Variants in ABCC1 observed in about 807,000 individuals in gnomAD.
ABCC1 encodes the protein multidrug resistance-associated protein 1.
ABCC1 carries 83 observed loss-of-function variants against 172.9 expected under a neutral mutation model. The ratio of observed to expected loss-of-function variants is 0.48; its 90% CI spans 0.40 to 0.58. The LOEUF (loss-of-function observed/expected upper bound fraction) is 0.58, where lower values mean the gene tolerates loss of function less well. ABCC1 is among the 20% of genes least tolerant of loss of function. The pLI is 0.00. For synonymous variants in ABCC1, 937 were observed against 825.2 expected (o/e 1.14, Z -2.32); for missense variants, 1,817 against 2,002.7 (o/e 0.91, Z 1.77).
chr16:16,019,007 A>G (rs2048105221), intron 5 of ABCC1, among the ~76,000 whole-genome samples: 1 of 151,822 alleles, frequency 6.6e-6, no homozygotes, highest in African/African-American at 2.4e-5. Context: ...TGTTATATGT[A>G]TTGTGTATCA....
At chr16:15,970,791 C>T (rs541961912) in intron 1 of ABCC1, among the ~76,000 whole-genome samples, 2 of 152,274 alleles carry the variant, frequency 1.3e-5, no homozygotes, top group South Asian at 2.1e-4. Context: ...GATGAGGTCT[C>T]CCTGTGTTGT....
chr16:16,046,056 T>A, intron 9 of ABCC1, 43 bp downstream of exon 9: 1 of 1,599,320 alleles, frequency 6.3e-7, no homozygotes, highest in Non-Finnish European at 8.5e-7. Flanking sequence ...GACTTCCACA[T>A]CCCCTCCTGC....
intron 1 of ABCC1, among the ~76,000 whole-genome samples, chr16:15,965,543 C>T (rs768848501): frequency 1.2e-4 from 19 of 152,052 alleles, no homozygotes; most frequent in South Asian, 6.2e-4. Flanking sequence ...CTGCCCACTT[C>T]GGCCTCCCAA....
At position 16,019,985 on chromosome 16, in the gene ABCC1, A is replaced by G. The variant is rs191146751; in HGVS notation, c.615+3364A>G. On this transcript the variant is annotated intron_variant, in intron 5 of 30. Transcript: ENST00000399410. ...GTCGCCAAGGCTGTAGTGCAGTGGCATGATCTTGGCTCTGCAGCCTCTGCC... is the reference window on the plus strand; with the variant it reads ...GTCGCCAAGGCTGTAGTGCAGTGGCGTGATCTTGGCTCTGCAGCCTCTGCC... Among the ~76,000 whole-genome samples, 355 of 152,262 alleles carry G rather than the reference A, an allele frequency of 2.3e-3. 1 individual carries two copies. The highest frequency in any genetic ancestry group is 6.4e-3 in the African/African-American group (267 of 41,546).
At chr16:16,034,579 A>G (rs2048680241) in intron 6 of ABCC1, among the ~76,000 whole-genome samples, 1 of 131,366 alleles carries the variant, frequency 7.6e-6, no homozygotes. Context: ...CTGTATGTTA[A>G]CTTTTTTTTT....
chr16:16,044,192 T>C (rs577043225), intron 7 of ABCC1, among the ~76,000 whole-genome samples: 2 of 152,258 alleles, frequency 1.3e-5, no homozygotes, highest in African/African-American at 4.8e-5. Context: ...AGGAGGAAAC[T>C]GAGGCCCAGA....
intron 11 of ABCC1, among the ~76,000 whole-genome samples, 156 bp downstream of exon 11, chr16:16,052,972 C>T (rs1033349137): frequency 1.3e-5 from 2 of 152,162 alleles, no homozygotes; most frequent in African/African-American, 2.4e-5. Context: ...GCTGATGCCC[C>T]GGCTGCATAT....
chr16:16,110,398 T>A (rs1250336766), intron 21 of ABCC1, among the ~76,000 whole-genome samples: 1 of 151,990 alleles, frequency 6.6e-6, no homozygotes, highest in Non-Finnish European at 1.5e-5. Context: ...CTTTATTTTT[T>A]TTTATTTTTT....
chr16:15,990,015 T>C (rs1030101906), intron 1 of ABCC1, among the ~76,000 whole-genome samples: 6 of 152,098 alleles, frequency 3.9e-5, no homozygotes, highest in African/African-American at 1.4e-4. Context: ...TAGGTGGGAT[T>C]ACAGGTGTGA....
intron 1 of ABCC1, among the ~76,000 whole-genome samples, chr16:15,958,399 C>A (rs151005473): frequency 5.9e-5 from 9 of 152,242 alleles, no homozygotes; most frequent in Middle Eastern, 3.4e-3. Flanking sequence ...CATGAGCCAC[C>A]GTGCCTGGCC....
chr16:16,094,477 T>G (rs1296170226), intron 19 of ABCC1: 2 of 167,310 alleles, frequency 1.2e-5, no homozygotes, highest in South Asian at 1.5e-4. Context: ...TGTACGTGCA[T>G]ACCTTTGATG....
chr16:16,066,999 C>T (rs2050137264), intron 12 of ABCC1, among the ~76,000 whole-genome samples: 2 of 152,072 alleles, frequency 1.3e-5, no homozygotes, highest in Admixed American at 1.3e-4. Flanking sequence ...GTCTGTAATC[C>T]CAGCACTTTA....
At chr16:16,133,810 A>G (rs2045804553) in intron 27 of ABCC1, among the ~76,000 whole-genome samples, 1 of 152,194 alleles carries the variant, frequency 6.6e-6, no homozygotes, top group Non-Finnish European at 1.5e-5. Context: ...CTCAAGAGCC[A>G]GGCAGGAAGG....
Position 16,122,073 on chromosome 16 carries a change from C to T in ABCC1, c.3489C>T (p.Ser1163=), listed in dbSNP as rs765229446. Residue 1163 remains serine, a synonymous_variant, in exon 24 of 31, where the codon AGC becomes AGT. Transcript: ENST00000399410. The part of the protein sequence containing the change: ...SHFNETLLGV[S]VIRAFEEQER... ...TCAACGAGACCTTGCTGGGGGTCAG[C>T]GTCATTCGAGCCTTCGAGGAGCAGG... The T allele has an allele frequency of 5.0e-6, 8 of 1,614,088 alleles. No individual in the cohort carries two copies. Among genetic ancestry groups the T allele is most frequent in the Admixed American group, 3.3e-5 (2 of 60,002 alleles).
chr16:16,045,464 A>G (rs2049166790), intron 8 of ABCC1, among the ~76,000 whole-genome samples: 1 of 151,456 alleles, frequency 6.6e-6, no homozygotes, highest in Non-Finnish European at 1.5e-5. Flanking sequence ...CTGGGGAGTC[A>G]GAAAGGAAGT....
chr16:16,024,628 A>G (rs757685691), intron 5 of ABCC1, among the ~76,000 whole-genome samples: 7 of 152,190 alleles, frequency 4.6e-5, no homozygotes, highest in Non-Finnish European at 1.0e-4. Context: ...CTAGGATTAC[A>G]GGGATGGGTG....
chr16:16,035,784 C>T (rs984021641), intron 6 of ABCC1, among the ~76,000 whole-genome samples: 77 of 151,720 alleles, frequency 5.1e-4, no homozygotes, highest in African/African-American at 1.8e-3. Context: ...CATGAGCTAC[C>T]GTGCCTGGCC....
chr16:16,074,135 G>A (rs1242665045), intron 14 of ABCC1, among the ~76,000 whole-genome samples: 2 of 152,148 alleles, frequency 1.3e-5, no homozygotes, highest in African/African-American at 4.8e-5. Flanking sequence ...TGTTCTTTGT[G>A]GTTGGGGACT....
chr16:16,136,567 G>C lies in ABCC1; in HGVS notation c.4215G>C (p.Leu1405=), dbSNP rs751539376. The C allele has an allele frequency of 8.7e-6, 14 of 1,614,034 alleles. No individual in the cohort carries two copies. The highest frequency in any genetic ancestry group is 5.9e-6 in the Non-Finnish European group (7 of 1,180,038). The change falls in exon 29 of 31, where the codon CTG becomes CTC. Residue 1405 remains leucine (L), a synonymous_variant. Coordinates refer to ENST00000399410, the MANE Select transcript of ABCC1 (RefSeq NM_004996.4). ...AAGAAGTCTGGACGTCCCTGGAGCT[G>C]GCCCACCTGAAGGACTTCGTGTCAG... ...SDEEVWTSLE[L]AHLKDFVSAL...
Sources: allele counts gnomAD v4.1 joint callset (sites outside exome capture counted in the v4.1 genomes callset), GRCh38; gene constraint gnomAD v4.1.1; transcripts MANE v1.5; gene names NCBI Gene and HGNC (gene_info 2026-07-23, HGNC 2026-07-21).